Variants in KIF5C observed in about 807,000 individuals in gnomAD.
KIF5C encodes the protein kinesin heavy chain isoform 5C.
In KIF5C, 18 loss-of-function variants were observed where a neutral mutation model predicts 125.2. The observed-to-expected ratio is 0.14, with a 90% confidence interval of 0.10 to 0.21. The LOEUF (loss-of-function observed/expected upper bound fraction) is 0.21. Ranked by LOEUF, KIF5C falls within the 10% of genes least tolerant of loss-of-function variation. The pLI is 1.00. For synonymous variants in KIF5C, 405 were observed against 434.0 expected, an observed-to-expected ratio of 0.93 and a Z score of 0.83; for missense variants, 780 against 1,183.8, an observed-to-expected ratio of 0.66 and a Z score of 5.01.
chr2:148,941,117 C>G (rs1159597491), intron 4 of KIF5C, among the ~76,000 whole-genome samples: 2 of 152,180 alleles, frequency 1.3e-5, no homozygotes, highest in Non-Finnish European at 2.9e-5. Context: ...CCTGGATGCA[C>G]CAGAGCTGGC....
chr2:148,976,999 A>C (rs1247476070), intron 12 of KIF5C, among the ~76,000 whole-genome samples: 1 of 152,226 alleles, frequency 6.6e-6, no homozygotes, highest in Non-Finnish European at 1.5e-5. Context: ...GTGCTTATGC[A>C]TGTTCTAAGA....
chr2:148,973,259 T>C, intron 11 of KIF5C, 77 bp from the exon 12 acceptor site: 1 of 1,512,380 alleles, frequency 6.6e-7, no homozygotes, highest in Non-Finnish European at 8.8e-7. Flanking sequence ...CCAGGACTGA[T>C]TATTTTTGGT....
intron 15 of KIF5C, among the ~76,000 whole-genome samples, chr2:148,984,977 T>A (rs1057257199): frequency 2.0e-5 from 3 of 152,130 alleles, no homozygotes; most frequent in Admixed American, 1.3e-4. Flanking sequence ...TATTATTATT[T>A]TTTTAAGTGG....
At chr2:149,004,879 C>G (rs987681516) in intron 21 of KIF5C, among the ~76,000 whole-genome samples, 6 of 152,152 alleles carry the variant, frequency 3.9e-5, no homozygotes, top group African/African-American at 1.2e-4. Context: ...CATGAAATGC[C>G]TCATCCGTAA....
chr2:148,944,528 A>C (rs1372453594), intron 7 of KIF5C, among the ~76,000 whole-genome samples: 1 of 152,234 alleles, frequency 6.6e-6, no homozygotes, highest in Non-Finnish European at 1.5e-5. Flanking sequence ...CATTTAAAAA[A>C]TTCGTTTAAC....
At position 148,875,621 on chromosome 2, in the gene KIF5C, G is replaced by A. The variant is rs368233902; in HGVS notation, c.4G>A (p.Ala2Thr). The change falls in exon 1 of 26, where the codon GCG becomes ACG. Residue 2 changes from alanine (A) to threonine (T), a missense_variant. Transcript: ENST00000435030. Reference protein sequence around the residue: MADPAECSIKVM... With the variant: MTDPAECSIKVM... Reference sequence around the variant, plus strand: ...CCCCTCCCTACCGCCGGCCGAGATGGCGGATCCAGCCGAATGCAGCATCAA... The same window carrying A: ...CCCCTCCCTACCGCCGGCCGAGATGACGGATCCAGCCGAATGCAGCATCAA... 29 of 1,542,006 alleles carry A rather than the reference G, an allele frequency of 1.9e-5. No homozygotes were observed. The highest frequency in any genetic ancestry group is 2.5e-5 in the Non-Finnish European group (29 of 1,143,266).
At chr2:148,902,069 A>G (rs1378562057) in intron 1 of KIF5C, among the ~76,000 whole-genome samples, 1 of 152,156 alleles carries the variant, frequency 6.6e-6, no homozygotes, top group African/African-American at 2.4e-5. Flanking sequence ...TCTTTTTCGC[A>G]CTGTGAGTTG....
intron 17 of KIF5C, among the ~76,000 whole-genome samples, chr2:148,995,916 C>T (rs146469929): frequency 0.014 from 2,072 of 152,020 alleles, 22 homozygotes; most frequent in Middle Eastern, 0.024. Context: ...CAGCACTTTG[C>T]GAGGCTGAGG....
chr2:148,990,669 T>C (rs988445343), intron 15 of KIF5C, among the ~76,000 whole-genome samples: 2 of 152,236 alleles, frequency 1.3e-5, no homozygotes, highest in South Asian at 4.1e-4. Flanking sequence ...TACAGAGATG[T>C]AAGGTGTAAG....
At chr2:149,010,757 C>T (rs1201327284) in intron 24 of KIF5C, among the ~76,000 whole-genome samples, 1 of 152,192 alleles carries the variant, frequency 6.6e-6, no homozygotes, top group Non-Finnish European at 1.5e-5. Flanking sequence ...AGCCAGAGCC[C>T]CAGGGAAAGC....
intron 1 of KIF5C, among the ~76,000 whole-genome samples, chr2:148,918,046 T>G (rs1425075761): frequency 1.3e-5 from 2 of 152,230 alleles, no homozygotes; most frequent in Non-Finnish European, 2.9e-5. Flanking sequence ...TCAAATGTAT[T>G]AATAGGCAGG....
chr2:148,908,984 TA>T (rs1681224548), intron 1 of KIF5C, among the ~76,000 whole-genome samples: 1 of 152,176 alleles, frequency 6.6e-6, no homozygotes, highest in African/African-American at 2.4e-5. Context: ...CACCTGAGCA[TA>T]TATTATAGAG....
chr2:149,014,305 C>T (rs768987175), intron 25 of KIF5C, among the ~76,000 whole-genome samples: 2 of 152,206 alleles, frequency 1.3e-5, no homozygotes, highest in Non-Finnish European at 1.5e-5. Context: ...GGATTACAAG[C>T]GTGAGCTACT....
chr2:148,949,194 G>A (rs9679707), intron 8 of KIF5C, among the ~76,000 whole-genome samples: 20,867 of 152,176 alleles, frequency 0.14, 2,194 homozygotes, highest in African/African-American at 0.29. Context: ...CAATAACGCA[G>A]CAAAGGAGAA....
At chr2:148,926,883 C>G (rs1682022193) in intron 2 of KIF5C, among the ~76,000 whole-genome samples, 1 of 152,048 alleles carries the variant, frequency 6.6e-6, no homozygotes, top group Middle Eastern at 3.2e-3. Context: ...TGAACTGTAA[C>G]GTGATTGTAA....
chr2:148,879,933 T>G (rs1413450255), intron 1 of KIF5C: 7 of 152,110 alleles, frequency 4.6e-5, no homozygotes, highest in Admixed American at 4.6e-4. Flanking sequence ...CTTCAGAAGC[T>G]TAGATTATTT....
At chr2:148,889,770 C>T (rs1026424066) in intron 1 of KIF5C, among the ~76,000 whole-genome samples, 3 of 152,282 alleles carry the variant, frequency 2.0e-5, no homozygotes, top group South Asian at 2.1e-4. Context: ...GGGATCCGCA[C>T]GTCTTTAGTT....
intron 11 of KIF5C, among the ~76,000 whole-genome samples, chr2:148,967,455 A>G (rs1407311469): frequency 6.6e-6 from 1 of 152,218 alleles, no homozygotes; most frequent in African/African-American, 2.4e-5. Context: ...TTGGAGAAGC[A>G]GAGGCCCAGG....
intron 1 of KIF5C, among the ~76,000 whole-genome samples, chr2:148,880,472 T>C (rs1558869187): frequency 6.6e-6 from 1 of 152,216 alleles, no homozygotes; most frequent in Non-Finnish European, 1.5e-5. Context: ...CCTTTGCATA[T>C]AGGTTCTGTG....
Sources: gnomAD v4.1 joint callset for allele counts (sites outside exome capture counted in the v4.1 genomes callset) on GRCh38, gnomAD v4.1.1 for gene constraint, MANE v1.5 for transcripts, NCBI Gene and HGNC (gene_info 2026-07-23, HGNC 2026-07-21) for gene names.